FAM184B: variants seen among roughly 807,000 people sequenced by gnomAD.
The protein encoded by FAM184B is protein FAM184B.
Under a neutral mutation model 135.9 loss-of-function variants are expected in FAM184B, and 111 were observed. The ratio of observed to expected loss-of-function variants is 0.82; its 90% CI spans 0.70 to 0.96. FAM184B has a LOEUF of 0.96. Among genes scored for constraint, FAM184B ranks in the 40% least tolerant of loss-of-function variants. The probability of loss-of-function intolerance (pLI) is 0.00; values close to 1 mark genes in which losing one functional copy is unlikely to be tolerated. For missense variants in FAM184B, 1,375 were observed against 1,323.9 expected, an observed-to-expected ratio of 1.04 and a Z score of -0.60; for synonymous variants, 552 against 524.8, an observed-to-expected ratio of 1.05 and a Z score of -0.71.
intron 1 of FAM184B, among the ~76,000 whole-genome samples, chr4:17,716,382 T>C: frequency 6.6e-6 from 1 of 152,072 alleles, no homozygotes; most frequent in East Asian, 1.9e-4. Context: ...GGTCTCTATG[T>C]CCCAGGCTGG....
At chr4:17,704,802 T>C (rs543044932) in intron 5 of FAM184B, among the ~76,000 whole-genome samples, 198 bp downstream of exon 5, 9 of 152,324 alleles carry the variant, frequency 5.9e-5, no homozygotes, top group African/African-American at 2.2e-4. Flanking sequence ...TGAACTCCCT[T>C]TGGAGAAGGC....
chr4:17,641,461 C>CTTTTTTTT lies in FAM184B; in HGVS notation c.2519+587_2519+594dup, dbSNP rs71167316. Among the ~76,000 whole-genome samples, 46 of 45,702 alleles carry CTTTTTTTT rather than the reference C, an allele frequency of 1.0e-3. 11 individuals carry two copies. The highest frequency in any genetic ancestry group is 1.7e-3 in the Admixed American group (4 of 2,402). The allele number at this position is 45,702 out of a possible 152,430, so 30.0% of individuals were successfully genotyped here. On this transcript the variant is annotated intron_variant, in intron 13 of 17. Coordinates refer to ENST00000265018, the MANE Select transcript of FAM184B (RefSeq NM_015688.2). Reference sequence around the variant, plus strand: ...TGCAGGGAAACAAACAGGACTCCCTCTTTTTTTTTTTTTTTTTTTTTTTTT... The same window carrying CTTTTTTTT: ...TGCAGGGAAACAAACAGGACTCCCTCTTTTTTTTTTTTTTTTTTTTTTTTTTTTTTTTT...
rs1432666444 is a variant in FAM184B, at chr4:17,658,570, C to G, written c.1825-8G>C. On this transcript the variant is annotated splice_polypyrimidine_tract_variant and splice_region_variant and intron_variant, in intron 9 of 17. Transcript: ENST00000265018. ...CTGCTGCATCTGTGAGACCTGCGCA[C>G]AAGGCATCCTGCCCTCAGTCTAAGC... is the stretch of plus-strand genomic sequence containing the variant. The G allele has an allele frequency of 1.3e-6, 2 of 1,549,480 alleles. No homozygotes were observed. The highest frequency in any genetic ancestry group is 4.9e-5 in the East Asian group (2 of 40,902).
chr4:17,754,001 G>A (rs536253742), intron 1 of FAM184B, among the ~76,000 whole-genome samples: 1 of 152,242 alleles, frequency 6.6e-6, no homozygotes, highest in South Asian at 2.1e-4. Flanking sequence ...AGGATTTACA[G>A]TAAGTATGGC....
At chr4:17,639,519 C>T in intron 13 of FAM184B, 123 bp from the exon 14 acceptor site, 5 of 1,152,004 alleles carry the variant, frequency 4.3e-6, no homozygotes, top group Non-Finnish European at 6.1e-6. Context: ...AAATTGTGAT[C>T]TAAGGACACC....
intron 1 of FAM184B, among the ~76,000 whole-genome samples, chr4:17,752,337 G>C (rs13103786): frequency 0.26 from 39,328 of 151,952 alleles, 5,462 homozygotes; most frequent in Non-Finnish European, 0.31. Context: ...TGGGTAGGAC[G>C]GGAGATAGGG....
intron 3 of FAM184B, among the ~76,000 whole-genome samples, chr4:17,706,770 A>G (rs952648170): frequency 6.6e-6 from 1 of 151,982 alleles, no homozygotes; most frequent in Non-Finnish European, 1.5e-5. Context: ...AAATTTCAAG[A>G]CAATACTTTG....
rs34886078 is a variant in FAM184B at position 17,641,643 on chromosome 4, CTTTT to C, written c.2519+409_2519+412del. Among the ~76,000 whole-genome samples, 31 of 24,374 alleles carry C rather than the reference CTTTT, an allele frequency of 1.3e-3. 1 individual carries two copies. In the East Asian group the frequency reaches 0.034, roughly 27 times the overall value. The allele number at this position is 24,374 out of a possible 152,430, so 16.0% of individuals were successfully genotyped here. On this transcript the variant is annotated intron_variant, in intron 13 of 17. Coordinates refer to ENST00000265018, the MANE Select transcript of FAM184B (RefSeq NM_015688.2). ...ACAGGCACACACCACCACGCCCGGC[CTTTT>C]TTTTTTTTTTTTTTTTTTTTTTTTG...
chr4:17,653,586 A>G (rs1369622653), intron 10 of FAM184B, among the ~76,000 whole-genome samples: 1 of 151,928 alleles, frequency 6.6e-6, no homozygotes, highest in East Asian at 1.9e-4. Flanking sequence ...CACTCAACAA[A>G]CATTTATTTA....
rs1346151749 is a variant in FAM184B, at chr4:17,685,175, TCCTGCACATGTAC to T, written c.1596+3236_1596+3248del. Among the ~76,000 whole-genome samples, 23 of 136,978 alleles carry T rather than the reference TCCTGCACATGTAC, an allele frequency of 1.7e-4. No homozygotes were observed. The Admixed American group carries it at 1.8e-3, about 11-fold the overall frequency. 89.9% of individuals were successfully genotyped at this position (136,978 alleles called of 152,430 possible). A position where few individuals can be genotyped will look rare whatever the true frequency, so the allele number is the denominator to read the frequency against. On this transcript the variant is annotated intron_variant, in intron 7 of 17. Transcript: ENST00000265018. ...TTTACCTTTGTAACAAACCTATTCA[TCCTGCACATGTAC>T]CCTGGAACTTAAAAAAAAAAAAAAA...
chr4:17,710,160 T>C (rs1485174287), intron 1 of FAM184B, among the ~76,000 whole-genome samples: 3 of 152,036 alleles, frequency 2.0e-5, no homozygotes, highest in Admixed American at 1.3e-4. Context: ...CTGGTCTCTA[T>C]TGAAAGTACA....
At chr4:17,645,773 C>T (rs999792661) in intron 12 of FAM184B, among the ~76,000 whole-genome samples, 1 of 151,844 alleles carries the variant, frequency 6.6e-6, no homozygotes, top group African/African-American at 2.4e-5. Context: ...AAGAAACTAC[C>T]ATCAGAGTGA....
Position 17,664,554 on chromosome 4 carries a change from T to C in FAM184B, c.1694+8A>G, listed in dbSNP as rs1440107306. On this transcript the variant is annotated splice_region_variant and intron_variant, in intron 8 of 17. Transcript: ENST00000265018. ...GGAGCACTCAGAAGTCTGCATGTCC[T>C]CCTGTACCTTTCTTCTTCATCACTG... is the stretch of plus-strand genomic sequence containing the variant. The C allele has an allele frequency of 1.9e-6, 3 of 1,547,534 alleles. No homozygotes were observed. The Admixed American group carries it at 5.9e-5, about 31-fold the overall frequency.
chr4:17,720,883 T>TAAAAAAAAAA (rs59409749), intron 1 of FAM184B, among the ~76,000 whole-genome samples: 3 of 100,284 alleles, frequency 3.0e-5, no homozygotes, highest in African/African-American at 7.6e-5. Flanking sequence ...AGACTTCATC[T>TAAAAAAAAAA]AAAAAAAAAA....
chr4:17,656,397 T>C (rs536378568), intron 10 of FAM184B, among the ~76,000 whole-genome samples: 5 of 151,572 alleles, frequency 3.3e-5, no homozygotes, highest in Admixed American at 3.3e-4. Context: ...TTTCCTTTCT[T>C]CTTTCTTTTT....
rs557698585 is a variant in FAM184B, at chr4:17,697,087, G to A, written c.1378-3675C>T. 9.0e-4 allele frequency among the ~76,000 whole-genome samples: 137 copies of A among 152,304 alleles called. 1 individual carries two copies. The highest frequency in any genetic ancestry group is 3.0e-3 in the African/African-American group (125 of 41,578). Reference sequence around the variant, plus strand: ...GATTACATGAAGTGGGGAGACTGGAGGCAGGGAAATCATCGCACAGTCCAT... The same window carrying A: ...GATTACATGAAGTGGGGAGACTGGAAGCAGGGAAATCATCGCACAGTCCAT... On this transcript the variant is annotated intron_variant, in intron 5 of 17. Transcript: ENST00000265018.
chr4:17,652,866 G>A lies in FAM184B; in HGVS notation c.2155C>T (p.Arg719Cys), dbSNP rs376743412. The change falls in exon 11 of 18, where the codon CGT becomes TGT. Residue 719 changes from arginine (R) to cysteine (C), a missense_variant. Coordinates refer to ENST00000265018, the MANE Select transcript of FAM184B (RefSeq NM_015688.2). ...GCCTGCTGTGCCTGCATCCTCTCAC[G>A]CTCCTCCTGCAGCTCTTGCCTGGCC... ...EKARQELQEE[R>C]ERMQAQQALL... The A allele has an allele frequency of 1.4e-4, 219 of 1,551,514 alleles. No homozygotes were observed. The highest frequency in any genetic ancestry group is 1.7e-4 in the Non-Finnish European group (198 of 1,146,994).
At chr4:17,698,591 A>T (rs1208103491) in intron 5 of FAM184B, among the ~76,000 whole-genome samples, 1 of 152,200 alleles carries the variant, frequency 6.6e-6, no homozygotes, top group Non-Finnish European at 1.5e-5. Context: ...ACTCAGAACC[A>T]GTCATTAGCA....
intron 1 of FAM184B, among the ~76,000 whole-genome samples, chr4:17,742,035 C>T (rs1718052858): frequency 6.6e-6 from 1 of 151,598 alleles, no homozygotes; most frequent in African/African-American, 2.4e-5. Flanking sequence ...ATTGTACCTA[C>T]AGTCAGCAAT....
Sources: allele counts gnomAD v4.1 joint callset (sites outside exome capture counted in the v4.1 genomes callset), GRCh38; gene constraint gnomAD v4.1.1; transcripts MANE v1.5; gene names NCBI Gene and HGNC (gene_info 2026-07-23, HGNC 2026-07-21).